AGBL4: variants seen among roughly 807,000 people sequenced by gnomAD.
The protein encoded by AGBL4 is AGBL carboxypeptidase 4, also known as cytosolic carboxypeptidase 6.
Under a neutral mutation model 66.4 loss-of-function variants are expected in AGBL4, and 58 were observed. The ratio of observed to expected loss-of-function variants is 0.87; its 90% confidence interval spans 0.71 to 1.09. The LOEUF is 1.09. Among genes scored for constraint, AGBL4 ranks in the 50% least tolerant of loss-of-function variants. The pLI, the probability that AGBL4 is intolerant of heterozygous loss-of-function variation, is 0.00. For missense variants in AGBL4, 579 were observed against 631.0 expected, an observed-to-expected ratio of 0.92 and a Z score of 0.88; for synonymous variants, 234 against 222.9, an observed-to-expected ratio of 1.05 and a Z score of -0.44.
Position 49,941,556 on chromosome 1 carries a change from G to C in AGBL4, c.34+82207C>G, listed in dbSNP as rs972211402. Among the ~76,000 whole-genome samples, 11 of 151,842 alleles carry C rather than the reference G, an allele frequency of 7.2e-5. 1 individual carries two copies. The highest frequency in any genetic ancestry group is 2.7e-4 in the African/African-American group (11 of 41,344). On this transcript the variant is annotated intron_variant, in intron 1 of 13. Transcript: ENST00000371839. ...ATTATCAAGTTGGCTTTATAACTAG[G>C]ATACAAGAAGAGTTCAACATAAGAA...
At chr1:49,866,396 G>A (rs1021215379) in intron 1 of AGBL4, among the ~76,000 whole-genome samples, 2 of 152,156 alleles carry the variant, frequency 1.3e-5, no homozygotes, top group Non-Finnish European at 2.9e-5. Context: ...AAGCCCATCA[G>A]ACTAAAAGCA....
intron 3 of AGBL4, among the ~76,000 whole-genome samples, chr1:49,361,840 T>C (rs1468200224): frequency 6.6e-6 from 1 of 152,094 alleles, no homozygotes; most frequent in Non-Finnish European, 1.5e-5. Context: ...TCATGGACCA[T>C]GATAACTTTT....
At chr1:48,675,863 A>G (rs1448275937) in intron 6 of AGBL4, among the ~76,000 whole-genome samples, 2 of 152,254 alleles carry the variant, frequency 1.3e-5, no homozygotes, top group African/African-American at 2.4e-5. Flanking sequence ...CAGTTCTTAT[A>G]TAACTTCTCC....
chr1:49,919,672 T>C (rs1346123228), intron 1 of AGBL4, among the ~76,000 whole-genome samples: 2 of 151,960 alleles, frequency 1.3e-5, no homozygotes, highest in Admixed American at 1.3e-4. Context: ...CCCAAGGTAA[T>C]TTACAGATTC....
intron 1 of AGBL4, among the ~76,000 whole-genome samples, chr1:49,907,196 T>A (rs1650361990): frequency 1.3e-5 from 2 of 152,160 alleles, no homozygotes; most frequent in Non-Finnish European, 2.9e-5. Context: ...ACTAAGTGCC[T>A]AGTTGGTATA....
At chr1:49,025,241 TA>T (rs1432222837) in intron 5 of AGBL4, among the ~76,000 whole-genome samples, 2 of 152,192 alleles carry the variant, frequency 1.3e-5, no homozygotes, top group African/African-American at 4.8e-5. Flanking sequence ...GGACAGAGGC[TA>T]ATCTAGAAGT....
intron 2 of AGBL4, among the ~76,000 whole-genome samples, chr1:49,733,106 A>AG (rs1474439237): frequency 4.6e-5 from 7 of 152,228 alleles, no homozygotes; most frequent in Non-Finnish European, 1.0e-4. Context: ...TCAGAGCCAA[A>AG]GGAGGCCAGA....
chr1:49,537,133 T>C (rs188805630), intron 3 of AGBL4, among the ~76,000 whole-genome samples: 74 of 152,056 alleles, frequency 4.9e-4, no homozygotes, highest in African/African-American at 1.6e-3. Flanking sequence ...TCACCGTATA[T>C]AAAAATAAAC....
chr1:49,503,594 AGCTGCCCAAAGCT>A (rs988010688), intron 3 of AGBL4, among the ~76,000 whole-genome samples: 18 of 152,212 alleles, frequency 1.2e-4, no homozygotes, highest in African/African-American at 1.7e-4. Context: ...ACAGGGGCAG[AGCTGCCCAAAGCT>A]GTGGGAGCCC....
chr1:49,407,132 A>C (rs1366308701), intron 3 of AGBL4, among the ~76,000 whole-genome samples: 2 of 151,308 alleles, frequency 1.3e-5, no homozygotes, highest in African/African-American at 4.9e-5. Flanking sequence ...TGTAACAGTT[A>C]ATTTTATGTA....
chr1:48,850,181 T>C (rs532683791), intron 6 of AGBL4, among the ~76,000 whole-genome samples: 8 of 152,186 alleles, frequency 5.3e-5, no homozygotes, highest in African/African-American at 1.9e-4. Context: ...AAATGGAGGA[T>C]TTTACCTATC....
At chr1:49,518,509 T>C (rs969886237) in intron 3 of AGBL4, among the ~76,000 whole-genome samples, 1 of 77,858 alleles carries the variant, frequency 1.3e-5, no homozygotes, top group Non-Finnish European at 2.7e-5. Flanking sequence ...TTTGAAAAGA[T>C]TGCTAATTAT....
intron 2 of AGBL4, chr1:49,841,759 G>A: frequency 3.2e-6 from 1 of 310,858 alleles, no homozygotes; most frequent in Non-Finnish European, 6.1e-6. Flanking sequence ...AAGGGAAGCA[G>A]AGCATAAAAG....
At chr1:49,104,244 A>T (rs768987318) in intron 4 of AGBL4, among the ~76,000 whole-genome samples, 12 of 152,132 alleles carry the variant, frequency 7.9e-5, no homozygotes, top group Non-Finnish European at 5.9e-5. Context: ...TTGTGTCTCC[A>T]TATCACCCTG....
At chr1:49,117,007 C>T (rs1645538487) in intron 4 of AGBL4, among the ~76,000 whole-genome samples, 1 of 151,552 alleles carries the variant, frequency 6.6e-6, no homozygotes, top group Non-Finnish European at 1.5e-5. Context: ...CTGTTGTCTG[C>T]ATAAATGTCT....
chr1:48,528,823 T>TA (rs944834636), downstream of AGBL4, among the ~76,000 whole-genome samples: 8 of 152,076 alleles, frequency 5.3e-5, no homozygotes, highest in African/African-American at 1.9e-4. Context: ...CAAAGTAACA[T>TA]AAAAAAAGTT....
chr1:48,553,763 T>C (rs1391589824), intron 11 of AGBL4, among the ~76,000 whole-genome samples: 1 of 152,180 alleles, frequency 6.6e-6, no homozygotes, highest in Non-Finnish European at 1.5e-5. Context: ...ATAGAGATAA[T>C]TGAGTTTATC....
Position 49,291,225 on chromosome 1 carries a change from G to A in AGBL4, c.283-45361C>T, listed in dbSNP as rs143388964. On this transcript the variant is annotated intron_variant, in intron 3 of 13. Coordinates refer to ENST00000371839, the MANE Select transcript of AGBL4 (RefSeq NM_032785.4). ...TCTCAAGGTATTTTAGACCCAGGTA[G>A]CTTCATTGATAAATTCACCCATTCA... Among the ~76,000 whole-genome samples the A allele has an allele frequency of 1.8e-3, 280 of 152,246 alleles. 2 individuals carry two copies. Among genetic ancestry groups the A allele is most frequent in the African/African-American group, 6.4e-3 (265 of 41,532 alleles).
intron 3 of AGBL4, among the ~76,000 whole-genome samples, chr1:49,466,561 A>T (rs1393783061): frequency 2.0e-5 from 3 of 151,806 alleles, no homozygotes; most frequent in Non-Finnish European, 4.4e-5. Context: ...CCCCTGCCAC[A>T]ATCCCAGGAT....
Sources: gnomAD v4.1 joint callset for allele counts (sites outside exome capture counted in the v4.1 genomes callset) on GRCh38, gnomAD v4.1.1 for gene constraint, MANE v1.5 for transcripts, NCBI Gene and HGNC (gene_info 2026-07-23, HGNC 2026-07-21) for gene names.